ATP10A: variants seen among roughly 807,000 people sequenced by gnomAD.
ATP10A encodes phospholipid-transporting ATPase VA.
In ATP10A, 111 loss-of-function variants were observed where a neutral mutation model predicts 147.8. The observed-to-expected ratio is 0.75, with a 90% CI of 0.64 to 0.88. ATP10A has a LOEUF of 0.88. Ranked by LOEUF, ATP10A falls within the 40% of genes least tolerant of loss-of-function variation. The pLI, the probability that ATP10A is intolerant of heterozygous loss-of-function variation, is 0.00. For synonymous variants in ATP10A, 875 were observed against 841.6 expected (o/e 1.04, Z -0.69); for missense variants, 1,927 against 1,959.0 (o/e 0.98, Z 0.31).
chr15:25,748,019 C>G (rs909424062), intron 2 of ATP10A, among the ~76,000 whole-genome samples: 1 of 151,698 alleles, frequency 6.6e-6, no homozygotes, highest in Non-Finnish European at 1.5e-5. Context: ...GGCTGGAGTA[C>G]AGTGGCGATC....
At position 25,863,116 on chromosome 15, in the gene ATP10A, C is replaced by G; in HGVS notation, c.-20G>C. 8.6e-7 allele frequency: 1 copy of G among 1,157,564 alleles called. No individual in the cohort carries two copies. The highest frequency in any genetic ancestry group is 1.1e-6 in the Non-Finnish European group (1 of 941,428). 71.7% of individuals were successfully genotyped at this position (1,157,564 alleles called of 1,614,324 possible). A position where few individuals can be genotyped will look rare whatever the true frequency, so the allele number is the denominator to read the frequency against. Reference sequence around the variant, plus strand: ...CTCCATGGCCGCGTGTCGCCGCGCCCGGCTCCTCCGCCGCTCACGCCCGCC... The same window carrying G: ...CTCCATGGCCGCGTGTCGCCGCGCCGGGCTCCTCCGCCGCTCACGCCCGCC... On this transcript the variant is annotated 5_prime_UTR_variant, in exon 1 of 21. Coordinates refer to ENST00000555815, the MANE Select transcript of ATP10A (RefSeq NM_024490.4).
In ATP10A at chr15:25,723,943, G is replaced by T. The variant is rs17116056; in HGVS notation, c.1058C>A (p.Ser353Tyr). The T allele has an allele frequency of 0.059, 95,715 of 1,610,244 alleles. 4,327 individuals carry two copies. The highest frequency in any genetic ancestry group is 0.23 in the African/African-American group (16,920 of 74,718). Reference protein sequence around the residue: ...YVPKSDGSSLSPVTAAVYSFL... With the variant: ...YVPKSDGSSLYPVTAAVYSFL... Reference sequence around the variant, plus strand: ...TGAGTAAACTGCAGCTGTGACTGGGGATAAGGAGCTTCCATCAGACTTGGG... The same window carrying T: ...TGAGTAAACTGCAGCTGTGACTGGGTATAAGGAGCTTCCATCAGACTTGGG... The change falls in exon 6 of 21, where the codon TCC becomes TAC. Residue 353 changes from serine to tyrosine, a missense_variant. By Grantham distance (144) the Ser-to-Tyr change is moderately radical (BLOSUM62 -2). Coordinates refer to ENST00000555815, the MANE Select transcript of ATP10A (RefSeq NM_024490.4).
chr15:25,808,734 C>G (rs1170759335), intron 1 of ATP10A, among the ~76,000 whole-genome samples: 1 of 152,168 alleles, frequency 6.6e-6, no homozygotes, highest in African/African-American at 2.4e-5. Context: ...TATTTTTACC[C>G]CACTCTTTTC....
chr15:25,775,964 C>G (rs1257407389), intron 2 of ATP10A, among the ~76,000 whole-genome samples: 1 of 152,194 alleles, frequency 6.6e-6, no homozygotes, highest in Non-Finnish European at 1.5e-5. Flanking sequence ...AGACTTCAAC[C>G]GTCTATCCAA....
chr15:25,731,929 C>T (rs935026461), intron 3 of ATP10A, among the ~76,000 whole-genome samples: 3 of 152,068 alleles, frequency 2.0e-5, no homozygotes, highest in African/African-American at 4.8e-5. Context: ...GATCATAGCT[C>T]ACTGCAGCCT....
rs1485491717 is a variant in ATP10A, at chr15:25,680,103, T to C, written c.3866+18A>G. ...GCTCACTCGGGGCTCAGAGGCACTA[T>C]CCCGCTCCGACACCCACCTGGGCAG... On this transcript the variant is annotated intron_variant, in intron 20 of 20. Transcript: ENST00000555815. 5 of 1,611,752 alleles carry C rather than the reference T, an allele frequency of 3.1e-6. No homozygotes were observed. The highest frequency in any genetic ancestry group is 2.5e-6 in the Non-Finnish European group (3 of 1,179,184).
chr15:25,775,454 C>A (rs753462046), intron 2 of ATP10A, among the ~76,000 whole-genome samples: 1 of 152,238 alleles, frequency 6.6e-6, no homozygotes, highest in East Asian at 1.9e-4. Context: ...AGAGGGGAAA[C>A]CCTGTCTCCG....
chr15:25,840,891 T>A (rs1161821919), intron 1 of ATP10A, among the ~76,000 whole-genome samples: 1 of 152,218 alleles, frequency 6.6e-6, no homozygotes, highest in Admixed American at 6.5e-5. Flanking sequence ...ATTTCCCTGT[T>A]TTGTAAAGAT....
At chr15:25,675,370 AT>A (rs1229675900), downstream of ATP10A, among the ~76,000 whole-genome samples, 1 of 152,214 alleles carries the variant, frequency 6.6e-6, no homozygotes, top group African/African-American at 2.4e-5. Context: ...GTTCGAAAGT[AT>A]TTTAGTGCTT....
At chr15:25,741,042 C>T (rs1165232353) in intron 2 of ATP10A, among the ~76,000 whole-genome samples, 1 of 152,194 alleles carries the variant, frequency 6.6e-6, no homozygotes, top group African/African-American at 2.4e-5. Flanking sequence ...TCTGGAGAAG[C>T]CTTCCTGACG....
At chr15:25,715,137 C>A (rs1901713573) in intron 9 of ATP10A, among the ~76,000 whole-genome samples, 1 of 152,198 alleles carries the variant, frequency 6.6e-6, no homozygotes, top group Admixed American at 6.5e-5. Flanking sequence ...TTTACCATTG[C>A]ATCCTAAGTT....
intron 10 of ATP10A, among the ~76,000 whole-genome samples, chr15:25,712,502 G>A (rs992163056): frequency 6.6e-6 from 1 of 151,024 alleles, no homozygotes. Flanking sequence ...GACCCCTTAT[G>A]TTGTCTTGAA....
At chr15:25,716,493 C>T (rs981604762) in intron 9 of ATP10A, among the ~76,000 whole-genome samples, 1 of 152,202 alleles carries the variant, frequency 6.6e-6, no homozygotes, top group African/African-American at 2.4e-5. Context: ...GGTGGGCTGC[C>T]CCCTCCCACT....
chr15:25,691,207 A>G (rs1040880000), intron 15 of ATP10A, among the ~76,000 whole-genome samples: 52 of 152,314 alleles, frequency 3.4e-4, no homozygotes, highest in African/African-American at 1.2e-3. Context: ...TTTTTAGTTA[A>G]GTCATTTGTT....
intron 2 of ATP10A, among the ~76,000 whole-genome samples, chr15:25,738,151 C>T (rs1264064568): frequency 6.6e-6 from 1 of 152,070 alleles, no homozygotes; most frequent in Non-Finnish European, 1.5e-5. Flanking sequence ...ACACAACACT[C>T]CCCATTTAGG....
chr15:25,713,700 A>G lies in ATP10A; in HGVS notation c.2318T>C (p.Met773Thr), dbSNP rs774403475. The change falls in exon 10 of 21, where the codon ATG becomes ACG. Residue 773 changes from methionine to threonine, a missense_variant. Transcript: ENST00000555815. ...TGAAGAGCAGGGCTGCAGGAGATCCATGACCACTGAGTCGGCCCCCTTGGT... is the reference window on the plus strand; with the variant it reads ...TGAAGAGCAGGGCTGCAGGAGATCCGTGACCACTGAGTCGGCCCCCTTGGT... ...VYTKGADSVVMDLLQPCSSVD... is the reference protein window; with the variant it reads ...VYTKGADSVVTDLLQPCSSVD... 13 of 1,613,962 alleles carry G rather than the reference A, an allele frequency of 8.1e-6. No homozygotes were observed. The highest frequency in any genetic ancestry group is 1.6e-4 in the Middle Eastern group (1 of 6,084).
chr15:25,845,314 T>TTGTGTGTTTG (rs1892968444), intron 1 of ATP10A, among the ~76,000 whole-genome samples: 1 of 133,436 alleles, frequency 7.5e-6, no homozygotes, highest in East Asian at 2.3e-4. Flanking sequence ...CACGGACCGT[T>TTGTGTGTTTG]TGTGTGTTTG....
intron 1 of ATP10A, among the ~76,000 whole-genome samples, chr15:25,800,011 A>G (rs952824555): frequency 1.3e-5 from 2 of 152,164 alleles, no homozygotes; most frequent in Non-Finnish European, 2.9e-5. Flanking sequence ...AATTCTAAAG[A>G]AGGAGGAAAA....
At chr15:25,754,945 T>C (rs1888339847) in intron 2 of ATP10A, among the ~76,000 whole-genome samples, 1 of 152,172 alleles carries the variant, frequency 6.6e-6, no homozygotes, top group Non-Finnish European at 1.5e-5. Context: ...GATTCCCAAA[T>C]AGCCTTTTAT....
Sources: allele counts gnomAD v4.1 joint callset (sites outside exome capture counted in the v4.1 genomes callset), GRCh38; gene constraint gnomAD v4.1.1; transcripts MANE v1.5; gene names NCBI Gene and HGNC (gene_info 2026-07-23, HGNC 2026-07-21).